The following BRIP1 variants were observed in gnomAD, a reference collection of about 807,000 sequenced individuals.
BRIP1 encodes BRCA1 interacting DNA helicase 1.
In BRIP1, 88 loss-of-function variants were observed where a neutral mutation model predicts 119.7. That is an observed-to-expected ratio of 0.74 (90% CI 0.62 to 0.88). BRIP1 has a LOEUF of 0.88. BRIP1 is among the 40% of genes least tolerant of loss of function. The pLI is 0.00. For missense variants in BRIP1, 1,259 were observed against 1,455.4 expected (o/e 0.87, Z 2.20); for synonymous variants, 443 against 496.5 (o/e 0.89, Z 1.43).
intron 14 of BRIP1, among the ~76,000 whole-genome samples, chr17:61,773,469 C>T (rs1349344933): frequency 3.3e-5 from 5 of 152,072 alleles, no homozygotes; most frequent in Non-Finnish European, 7.4e-5. Flanking sequence ...TAGAAGAAAA[C>T]CTAGGCAATA....
In BRIP1 at chr17:61,857,058, C is replaced by T. The variant is rs1311206718; in HGVS notation, c.379G>A (p.Asp127Asn). The T allele has an allele frequency of 1.2e-6, 2 of 1,613,528 alleles. No homozygotes were observed. The highest frequency in any genetic ancestry group is 4.5e-5 in the East Asian group (2 of 44,860). The change falls in exon 4 of 20, where the codon GAC becomes AAC. Residue 127 changes from aspartate (D) to asparagine (N), a missense_variant and splice_region_variant. This residue lies in a region of BRIP1 where 501 missense variants were observed against 544.0 expected (regional missense o/e 0.92). Coordinates refer to ENST00000259008, the MANE Select transcript of BRIP1 (RefSeq NM_032043.3). The surrounding 1 kb of genome is among the most constrained non-coding windows in gnomAD (Gnocchi z 5.1). Reference protein sequence around the residue: ...ERNGTSSTCQDSPEKTTLAAK... With the variant: ...ERNGTSSTCQNSPEKTTLAAK... ...CTGACCCAGGCAAAATATAAATTAC[C>T]TTGACAAGTTGATGAAGTGCCATTT...
At chr17:61,787,097 A>G (rs1364337985) in intron 10 of BRIP1, among the ~76,000 whole-genome samples, 2 of 113,962 alleles carry the variant, frequency 1.8e-5, no homozygotes, top group Admixed American at 1.1e-4. Flanking sequence ...ATGTTTATGT[A>G]TTAATAAATA....
chr17:61,718,467 C>T (rs1290553805), intron 16 of BRIP1, among the ~76,000 whole-genome samples: 1 of 152,180 alleles, frequency 6.6e-6, no homozygotes, highest in East Asian at 1.9e-4. Flanking sequence ...TCTGCCTACT[C>T]ATTTCCCTGG....
rs1407449625 is a variant in BRIP1 at position 61,703,448 on chromosome 17, T to C, written c.2493-9936A>G. ...TCTTGGCCACATGCATGTCTCCTTTTGAGAAATGTCTGTTCATGTCCTTTG... is the reference window on the plus strand; with the variant it reads ...TCTTGGCCACATGCATGTCTCCTTTCGAGAAATGTCTGTTCATGTCCTTTG... On this transcript the variant is annotated intron_variant, in intron 17 of 19. Transcript: ENST00000259008. The surrounding 1 kb of genome is among the most constrained non-coding windows in gnomAD (Gnocchi z 5.0). Among the ~76,000 whole-genome samples the C allele has an allele frequency of 6.6e-6, 1 of 152,248 alleles. No individual in the cohort carries two copies. Among genetic ancestry groups the C allele is most frequent in the East Asian group, 1.9e-4 (1 of 5,202 alleles).
chr17:61,788,099 A>G (rs2077761271), intron 10 of BRIP1, among the ~76,000 whole-genome samples: 1 of 152,200 alleles, frequency 6.6e-6, no homozygotes, highest in Non-Finnish European at 1.5e-5. Context: ...AATTTAAGAT[A>G]ATCTGTGGGC....
rs916096274 is a variant in BRIP1, at chr17:61,746,853, G to C, written c.2098-2262C>G. Reference sequence around the variant, plus strand: ...AGACCAGATGGACCTGACATATATAGAACATTTTACCCAACAGCAGCAAAA... The same window carrying C: ...AGACCAGATGGACCTGACATATATACAACATTTTACCCAACAGCAGCAAAA... On this transcript the variant is annotated intron_variant, in intron 14 of 19. Coordinates refer to ENST00000259008, the MANE Select transcript of BRIP1 (RefSeq NM_032043.3). This position sits in a 1 kb window ranked among gnomAD's most constrained non-coding sequence, Gnocchi z 4.9. Among the ~76,000 whole-genome samples the C allele has an allele frequency of 6.6e-5, 10 of 152,050 alleles. No homozygotes were observed. The highest frequency in any genetic ancestry group is 2.0e-4 in the Admixed American group (3 of 15,260).
intron 17 of BRIP1, among the ~76,000 whole-genome samples, chr17:61,698,393 T>C (rs2061560324): frequency 6.6e-6 from 1 of 152,216 alleles, no homozygotes; most frequent in Non-Finnish European, 1.5e-5. Context: ...TTATATTTTA[T>C]GGATGAACGG....
rs1452635399 is a variant in BRIP1 at position 61,681,905 on chromosome 17, A to G, written c.*1391T>C. 5.0e-6 allele frequency: 1 copy of G among 199,450 alleles called. No individual in the cohort carries two copies. The highest frequency in any genetic ancestry group is 1.0e-5 in the Non-Finnish European group (1 of 96,666). The allele number at this position is 199,450 out of a possible 1,614,324, so 12.4% of individuals were successfully genotyped here. ...AATTTTGACTTGAAAATAATAGACC[A>G]TACAGAATTCTTGGATAGCTCATAA... On this transcript the variant is annotated 3_prime_UTR_variant, in exon 20 of 20. Transcript: ENST00000259008. This position sits in a 1 kb window ranked among gnomAD's most constrained non-coding sequence, Gnocchi z 5.1.
rs891457733 is a variant in BRIP1, at chr17:61,795,599, G to A, written c.1341-1870C>T. Among the ~76,000 whole-genome samples, 1 of 151,988 alleles carries A rather than the reference G, an allele frequency of 6.6e-6. No homozygotes were observed. Among genetic ancestry groups the A allele is most frequent in the Non-Finnish European group, 1.5e-5 (1 of 67,966 alleles). The stretch of plus-strand genomic sequence containing the variant: ...TGACAGGATCTCCTTCTGTGTTATG[G>A]CTGAATGGTACTCCATTGTGTATAT... On this transcript the variant is annotated intron_variant, in intron 9 of 19. Transcript: ENST00000259008. The surrounding 1 kb of genome is among the most constrained non-coding windows in gnomAD (Gnocchi z 5.6).
intron 18 of BRIP1, among the ~76,000 whole-genome samples, chr17:61,692,515 A>G (rs2061462395): frequency 6.6e-6 from 1 of 152,186 alleles, no homozygotes; most frequent in Non-Finnish European, 1.5e-5. Context: ...CAGATATGCA[A>G]AGAAATCCAA....
Position 61,770,906 on chromosome 17 carries a change from T to C in BRIP1, c.2097+5495A>G, listed in dbSNP as rs1211424275. On this transcript the variant is annotated intron_variant, in intron 14 of 19. Transcript: ENST00000259008. The surrounding 1 kb of genome is among the most constrained non-coding windows in gnomAD (Gnocchi z 4.7). ...GATATACAGAAAACAAACAGCAAAG[T>C]GGCATTTGTAAACACTACCTTAGCA... Among the ~76,000 whole-genome samples, 2 of 152,132 alleles carry C rather than the reference T, an allele frequency of 1.3e-5. No individual in the cohort carries two copies. Among genetic ancestry groups the C allele is most frequent in the African/African-American group, 4.8e-5 (2 of 41,434 alleles).
chr17:61,704,919 AT>A lies in BRIP1; in HGVS notation c.2492+11031del, dbSNP rs1374254947. On this transcript the variant is annotated intron_variant, in intron 17 of 19. Transcript: ENST00000259008. The surrounding 1 kb of genome is among the most constrained non-coding windows in gnomAD (Gnocchi z 5.7). ...TTTTATTGATCTTTTCAAAGAGTCT[AT>A]TTTTTTCTGTTTTTCAACTTTTATT... 1.3e-5 allele frequency among the ~76,000 whole-genome samples: 2 copies of A among 151,436 alleles called. No individual in the cohort carries two copies. The highest frequency in any genetic ancestry group is 4.9e-5 in the African/African-American group (2 of 41,210).
In BRIP1 at chr17:61,780,631, G is replaced by A. The variant is rs535454970; in HGVS notation, c.1794+209C>T. ...TAGTCCCAGCTACTCGGGAAGCTAA[G>A]GTGGGAGGATCGCTTGAGCCTGGAA... On this transcript the variant is annotated intron_variant, in intron 12 of 19. Coordinates refer to ENST00000259008, the MANE Select transcript of BRIP1 (RefSeq NM_032043.3). The surrounding 1 kb of genome is among the most constrained non-coding windows in gnomAD (Gnocchi z 5.4). 2.8e-4 allele frequency among the ~76,000 whole-genome samples: 42 copies of A among 152,208 alleles called. No homozygotes were observed. The highest frequency in any genetic ancestry group is 9.6e-4 in the African/African-American group (40 of 41,540).
At position 61,805,210 on chromosome 17, in the gene BRIP1, C is replaced by T. The variant is rs2078057614; in HGVS notation, c.918+3257G>A. ...GAAACAAAGTAAACCATAAGAGATT[C>T]ATAACCTATAAAAGAATGTCAGCAA... On this transcript the variant is annotated intron_variant, in intron 7 of 19. Transcript: ENST00000259008. The surrounding 1 kb of genome is among the most constrained non-coding windows in gnomAD (Gnocchi z 5.6). 6.6e-6 allele frequency among the ~76,000 whole-genome samples: 1 copy of T among 151,978 alleles called. No individual in the cohort carries two copies. Among genetic ancestry groups the T allele is most frequent in the South Asian group, 2.1e-4 (1 of 4,816 alleles).
chr17:61,755,949 G>T lies in BRIP1; in HGVS notation c.2098-11358C>A, dbSNP rs1336075253. 6.6e-6 allele frequency among the ~76,000 whole-genome samples: 1 copy of T among 152,158 alleles called. No homozygotes were observed. The highest frequency in any genetic ancestry group is 1.5e-5 in the Non-Finnish European group (1 of 68,024). ...AACACTTCATAAAAGGGAGAATTTGGTGACTATGACACATTTCCACAGAAC... is the reference window on the plus strand; with the variant it reads ...AACACTTCATAAAAGGGAGAATTTGTTGACTATGACACATTTCCACAGAAC... On this transcript the variant is annotated intron_variant, in intron 14 of 19. Transcript: ENST00000259008. The surrounding 1 kb of genome is among the most constrained non-coding windows in gnomAD (Gnocchi z 4.5).
Position 61,693,543 on chromosome 17 carries a change from T to C in BRIP1, c.2493-31A>G. 6.5e-7 allele frequency: 1 copy of C among 1,548,208 alleles called. No individual in the cohort carries two copies. Among genetic ancestry groups the C allele is most frequent in the Non-Finnish European group, 8.9e-7 (1 of 1,120,500 alleles). On this transcript the variant is annotated intron_variant, in intron 17 of 19. Transcript: ENST00000259008. This position sits in a 1 kb window ranked among gnomAD's most constrained non-coding sequence, Gnocchi z 4.2. ...AAAAATAGGGAAAAAGTCAAATAAT[T>C]ATAACATCGGAAATAAATCCAGTTT...
At position 61,803,567 on chromosome 17, in the gene BRIP1, G is replaced by A. The variant is rs2078028099; in HGVS notation, c.919-2093C>T. Among the ~76,000 whole-genome samples the A allele has an allele frequency of 6.6e-6, 1 of 151,870 alleles. No individual in the cohort carries two copies. On this transcript the variant is annotated intron_variant, in intron 7 of 19. Transcript: ENST00000259008. This position sits in a 1 kb window ranked among gnomAD's most constrained non-coding sequence, Gnocchi z 4.3. The stretch of plus-strand genomic sequence containing the variant: ...AAAACAAAAAAAATTAAACCGCAGT[G>A]AGCAGTGACCACGCCACTGCACTCC...
chr17:61,855,047 A>G (rs1480892080), intron 4 of BRIP1, among the ~76,000 whole-genome samples: 1 of 150,956 alleles, frequency 6.6e-6, no homozygotes, highest in Non-Finnish European at 1.5e-5. Flanking sequence ...CCATTTATAT[A>G]AACTATAGAA....
chr17:61,732,234 C>T (rs1603299844), intron 16 of BRIP1, among the ~76,000 whole-genome samples: 2 of 151,936 alleles, frequency 1.3e-5, no homozygotes, highest in Non-Finnish European at 2.9e-5. Flanking sequence ...CCACCCACCT[C>T]GGCCTCCAAG....
Sources: gnomAD v4.1 joint callset for allele counts (sites outside exome capture counted in the v4.1 genomes callset) on GRCh38, gnomAD v4.1.1 for gene constraint, gnomAD v4.1.1 regional missense constraint, Gnocchi (gnomAD v3.1) non-coding constraint, MANE v1.5 for transcripts, NCBI Gene and HGNC (gene_info 2026-07-23, HGNC 2026-07-21) for gene names.